KIAA0319L: variants seen among roughly 807,000 people sequenced by gnomAD.
KIAA0319L encodes KIAA0319 like, also known as dyslexia-associated protein KIAA0319-like protein.
A neutral mutation model predicts 120.1 loss-of-function variants in KIAA0319L; 55 were observed. That is an observed-to-expected ratio of 0.46 (90% CI 0.37 to 0.57). The LOEUF (loss-of-function observed/expected upper bound fraction) is 0.57, where lower values mean the gene tolerates loss of function less well. KIAA0319L is among the 20% of genes least tolerant of loss of function. The probability of loss-of-function intolerance (pLI) is 0.00; values close to 1 mark genes in which losing one functional copy is unlikely to be tolerated. For synonymous variants in KIAA0319L, 398 were observed against 471.9 expected (o/e 0.84, Z 2.03); for missense variants, 1,049 against 1,255.3 (o/e 0.84, Z 2.48).
chr1:35,555,711 T>C (rs1050864488), intron 1 of KIAA0319L, among the ~76,000 whole-genome samples: 5 of 152,228 alleles, frequency 3.3e-5, no homozygotes, highest in Non-Finnish European at 5.9e-5. Context: ...TGAGTATGCA[T>C]GTGTGCATGT....
intron 7 of KIAA0319L, among the ~76,000 whole-genome samples, chr1:35,463,417 T>C (rs909350540): frequency 6.6e-6 from 1 of 152,182 alleles, no homozygotes; most frequent in Non-Finnish European, 1.5e-5. Flanking sequence ...ATAAAGACCT[T>C]GGCAATCAAA....
At chr1:35,518,233 A>G (rs1768553) in intron 2 of KIAA0319L, among the ~76,000 whole-genome samples, 35,094 of 152,088 alleles carry the variant, frequency 0.23, 8,630 homozygotes, top group African/African-American at 0.58. Flanking sequence ...CCCAGAGGGA[A>G]ATAAATCATT....
intron 12 of KIAA0319L, among the ~76,000 whole-genome samples, chr1:35,452,233 A>G (rs1016030931): frequency 6.6e-6 from 1 of 152,260 alleles, no homozygotes; most frequent in East Asian, 1.9e-4. Flanking sequence ...GAAATGGGGC[A>G]AGACTGCAGA....
At chr1:35,554,583 G>A (rs1647651282) in intron 1 of KIAA0319L, 64 bp from the exon 2 acceptor site, 1 of 1,160,670 alleles carries the variant, frequency 8.6e-7, no homozygotes. Context: ...CTGGAAATGT[G>A]GAATGCTAGA....
intron 1 of KIAA0319L, among the ~76,000 whole-genome samples, chr1:35,555,609 G>A (rs1647863303): frequency 6.6e-6 from 1 of 152,192 alleles, no homozygotes; most frequent in Admixed American, 6.5e-5. Flanking sequence ...AAGGAGGTGT[G>A]TGGGCCAGAG....
At chr1:35,493,162 C>A (rs964708942) in intron 3 of KIAA0319L, among the ~76,000 whole-genome samples, 1 of 151,978 alleles carries the variant, frequency 6.6e-6, no homozygotes, top group Non-Finnish European at 1.5e-5. Context: ...ATACAAAATG[C>A]TAACAGAATG....
intron 19 of KIAA0319L, among the ~76,000 whole-genome samples, chr1:35,441,884 G>A (rs760135574): frequency 2.0e-5 from 3 of 152,020 alleles, no homozygotes; most frequent in Non-Finnish European, 4.4e-5. Context: ...AAAAACTCGC[G>A]GGCTATGCTG....
chr1:35,494,231 G>A (rs904907999), intron 3 of KIAA0319L, among the ~76,000 whole-genome samples: 14 of 151,868 alleles, frequency 9.2e-5, no homozygotes, highest in African/African-American at 2.7e-4. Flanking sequence ...GGTGGATCAC[G>A]AGGTCAGAAG....
chr1:35,518,203 A>C (rs1310914250), intron 2 of KIAA0319L, among the ~76,000 whole-genome samples: 2 of 152,180 alleles, frequency 1.3e-5, no homozygotes, highest in Non-Finnish European at 2.9e-5. Context: ...CACTTCAACA[A>C]TCCTATTACT....
chr1:35,475,483 T>G (rs1643873581), intron 4 of KIAA0319L, among the ~76,000 whole-genome samples: 2 of 152,210 alleles, frequency 1.3e-5, no homozygotes, highest in South Asian at 4.1e-4. Flanking sequence ...AAGAATTTTT[T>G]TTTTCTTTTT....
At chr1:35,546,653 C>T (rs1187475082) in intron 2 of KIAA0319L, among the ~76,000 whole-genome samples, 1 of 152,108 alleles carries the variant, frequency 6.6e-6, no homozygotes, top group Non-Finnish European at 1.5e-5. Context: ...AAATCTATAC[C>T]CATCCAGTTG....
chr1:35,524,135 G>A (rs1399011801), intron 2 of KIAA0319L, among the ~76,000 whole-genome samples: 1 of 152,208 alleles, frequency 6.6e-6, no homozygotes, highest in Non-Finnish European at 1.5e-5. Flanking sequence ...ATTGAACTTG[G>A]TGGAAACAGA....
chr1:35,553,084 TAA>T (rs879375828), intron 2 of KIAA0319L, among the ~76,000 whole-genome samples: 3 of 141,174 alleles, frequency 2.1e-5, no homozygotes, highest in Non-Finnish European at 3.1e-5. Context: ...GACACTGTCT[TAA>T]AAAAAAAAAA....
chr1:35,531,822 G>A (rs1233763023), intron 2 of KIAA0319L, among the ~76,000 whole-genome samples: 2 of 152,058 alleles, frequency 1.3e-5, no homozygotes, highest in Non-Finnish European at 2.9e-5. Flanking sequence ...TGAAAGACTC[G>A]GGCCCTTATA....
chr1:35,464,298 C>T (rs1429978118), intron 7 of KIAA0319L, among the ~76,000 whole-genome samples: 6 of 152,082 alleles, frequency 3.9e-5, no homozygotes, highest in Non-Finnish European at 8.8e-5. Flanking sequence ...GCAATATGGA[C>T]AATAAAGTTC....
rs775823369 is a variant in KIAA0319L, at chr1:35,506,601, A to G, written c.666+11T>C. The G allele has an allele frequency of 1.2e-6, 2 of 1,601,086 alleles. No homozygotes were observed. Among genetic ancestry groups the G allele is most frequent in the African/African-American group, 2.7e-5 (2 of 74,646 alleles). ...AACCATTTCTCTGCTCCTTATTCATAGCATGCTTACCTCTGCAGAGCCACT... is the reference window on the plus strand; with the variant it reads ...AACCATTTCTCTGCTCCTTATTCATGGCATGCTTACCTCTGCAGAGCCACT... On this transcript the variant is annotated intron_variant, in intron 3 of 20. Transcript: ENST00000325722. The surrounding 1 kb of genome is among the most constrained non-coding windows in gnomAD (Gnocchi z 4.0).
In KIAA0319L at chr1:35,490,695, T is replaced by A. The variant is rs557206235; in HGVS notation, c.667-11483A>T. 3.3e-5 allele frequency among the ~76,000 whole-genome samples: 5 copies of A among 152,310 alleles called. No individual in the cohort carries two copies. In the East Asian group the frequency reaches 9.6e-4, roughly 29 times the overall value. On this transcript the variant is annotated intron_variant, in intron 3 of 20. Coordinates refer to ENST00000325722, the MANE Select transcript of KIAA0319L (RefSeq NM_024874.5). ...CAAACTTTTAATATAAATATTACAA[T>A]GTTTGATATTAAAGAAAATACACTT...
chr1:35,540,344 G>A (rs368998064), intron 2 of KIAA0319L, among the ~76,000 whole-genome samples: 20 of 152,310 alleles, frequency 1.3e-4, no homozygotes, highest in African/African-American at 4.8e-4. Context: ...ATTGGTGCTT[G>A]CTTCATGCTA....
In KIAA0319L at chr1:35,466,670, T is replaced by C. The variant is rs753569304; in HGVS notation, c.1139A>G (p.Lys380Arg). The stretch of plus-strand genomic sequence containing the variant: ...GGCATTTTGACCCTCTACAATCACT[T>C]TGAATTCATACAGGCCTGGAGTGAG... ...SKLTPGLYEF[K>R]VIVEGQNAHG... is the part of the protein sequence containing the mutation. The change falls in exon 7 of 21, where the codon AAA becomes AGA. Residue 380 changes from lysine to arginine, a missense_variant. Coordinates refer to ENST00000325722, the MANE Select transcript of KIAA0319L (RefSeq NM_024874.5). The C allele has an allele frequency of 1.4e-5, 23 of 1,613,256 alleles. No homozygotes were observed. The African/African-American group carries it at 2.3e-4, about 16-fold the overall frequency.
Sources: allele counts gnomAD v4.1 joint callset (sites outside exome capture counted in the v4.1 genomes callset), GRCh38; gene constraint gnomAD v4.1.1; non-coding constraint Gnocchi (gnomAD v3.1); transcripts MANE v1.5; gene names NCBI Gene and HGNC (gene_info 2026-07-23, HGNC 2026-07-21).